The following COL14A1 variants were observed in gnomAD, a reference collection of about 807,000 sequenced individuals.
COL14A1 encodes collagen alpha-1(XIV) chain.
COL14A1 carries 136 observed loss-of-function variants against 230.3 expected under a neutral mutation model. The ratio of observed to expected loss-of-function variants is 0.59; its 90% CI spans 0.51 to 0.68. The LOEUF is 0.68. Among genes scored for constraint, COL14A1 ranks in the 30% least tolerant of loss-of-function variants. COL14A1 has a pLI of 0.00. For missense variants in COL14A1, 1,976 were observed against 2,215.8 expected, an observed-to-expected ratio of 0.89 and a Z score of 2.17; for synonymous variants, 792 against 784.1, an observed-to-expected ratio of 1.01 and a Z score of -0.17.
At chr8:120,197,758 A>C in intron 6 of COL14A1, 53 bp from the exon 7 acceptor site, 1 of 1,568,990 alleles carries the variant, frequency 6.4e-7, no homozygotes, top group Non-Finnish European at 8.7e-7. Flanking sequence ...GTAGCCCACT[A>C]GATTTTTGAG....
intron 5 of COL14A1, among the ~76,000 whole-genome samples, chr8:120,179,373 CAAGCATTCCTAT>C (rs1816390345): frequency 6.6e-6 from 1 of 152,180 alleles, no homozygotes; most frequent in Non-Finnish European, 1.5e-5. Flanking sequence ...GCAAAAATCA[CAAGCATTCCTAT>C]ACACCAATAA....
intron 20 of COL14A1, among the ~76,000 whole-genome samples, chr8:120,245,350 C>A (rs1434692709): frequency 1.3e-5 from 2 of 152,160 alleles, no homozygotes; most frequent in African/African-American, 4.8e-5. Context: ...ATACTGTTCA[C>A]CTCTGCATGC....
At chr8:120,137,515 T>C (rs1314845362) in intron 1 of COL14A1, among the ~76,000 whole-genome samples, 1 of 152,150 alleles carries the variant, frequency 6.6e-6, no homozygotes, top group African/African-American at 2.4e-5. Context: ...AGTTTGCTCT[T>C]CTTTTTCTAG....
chr8:120,366,462 G>A (rs779381891), intron 45 of COL14A1, among the ~76,000 whole-genome samples: 38 of 152,308 alleles, frequency 2.5e-4, no homozygotes, highest in East Asian at 3.9e-4. Context: ...TAATGCAACC[G>A]TATCTTGGGC....
intron 44 of COL14A1, among the ~76,000 whole-genome samples, chr8:120,343,054 G>A (rs372457055): frequency 4.8e-4 from 73 of 152,230 alleles, no homozygotes; most frequent in African/African-American, 1.7e-3. Context: ...TTGATATGAC[G>A]CCTGTCCCAT....
chr8:120,214,542 G>T (rs1432364723), intron 13 of COL14A1, among the ~76,000 whole-genome samples: 1 of 152,254 alleles, frequency 6.6e-6, no homozygotes, highest in Admixed American at 6.5e-5. Context: ...CTGCAGAAAT[G>T]CCAATACCTC....
intron 5 of COL14A1, among the ~76,000 whole-genome samples, chr8:120,174,392 G>A (rs1237384691): frequency 6.6e-6 from 1 of 152,070 alleles, no homozygotes; most frequent in East Asian, 1.9e-4. Flanking sequence ...TGTCTCAACT[G>A]CTGTATTCTT....
intron 40 of COL14A1, among the ~76,000 whole-genome samples, chr8:120,324,156 C>T (rs531475836): frequency 1.3e-5 from 2 of 151,698 alleles, no homozygotes; most frequent in Non-Finnish European, 2.9e-5. Context: ...ATAATCTGTA[C>T]AACAGACCCC....
Position 120,367,258 on chromosome 8 carries a change from C to T in COL14A1, c.5155+10C>T. The T allele has an allele frequency of 6.3e-7, 1 of 1,599,040 alleles. No individual in the cohort carries two copies. The highest frequency in any genetic ancestry group is 8.5e-7 in the Non-Finnish European group (1 of 1,173,484). On this transcript the variant is annotated intron_variant, in intron 46 of 47. Transcript: ENST00000297848. ...CCCCCTGGACCAGCAGGTAAATCTT[C>T]CTTCCTAACAAGAGACTGCAAATGT...
chr8:120,329,933 C>T (rs919556680), intron 40 of COL14A1, among the ~76,000 whole-genome samples: 39 of 152,236 alleles, frequency 2.6e-4, no homozygotes, highest in African/African-American at 7.7e-4. Context: ...TAGGGGGTCT[C>T]TGCTCCACAC....
intron 42 of COL14A1, among the ~76,000 whole-genome samples, chr8:120,338,343 G>T (rs886242486): frequency 2.0e-5 from 3 of 152,124 alleles, no homozygotes; most frequent in African/African-American, 4.8e-5. Context: ...GCTAAGCAGG[G>T]TTCTCTTTCA....
rs893341006 is a variant in COL14A1 at position 120,217,088 on chromosome 8, G to T, written c.1737+598G>T. Among the ~76,000 whole-genome samples, 26 of 152,270 alleles carry T rather than the reference G, an allele frequency of 1.7e-4. 2 individuals are homozygous for T. Among genetic ancestry groups the T allele is most frequent in the Admixed American group, 1.5e-3 (23 of 15,288 alleles). ...GCATATAGAGAAGAAGATATTCATT[G>T]ATGTGGCCATCTCTGGAAAATGCAG... On this transcript the variant is annotated intron_variant, in intron 14 of 47. Transcript: ENST00000297848.
At chr8:120,156,417 T>C (rs1314034365) in intron 2 of COL14A1, among the ~76,000 whole-genome samples, 1 of 152,006 alleles carries the variant, frequency 6.6e-6, no homozygotes, top group Non-Finnish European at 1.5e-5. Context: ...GATCCACCCG[T>C]CTTGGCCTCC....
intron 45 of COL14A1, among the ~76,000 whole-genome samples, chr8:120,354,806 C>T (rs1293267723): frequency 6.6e-6 from 1 of 152,194 alleles, no homozygotes; most frequent in Non-Finnish European, 1.5e-5. Flanking sequence ...ATTATTGGCA[C>T]TTAGCATTGA....
chr8:120,195,649 C>G (rs1817011811), intron 5 of COL14A1, among the ~76,000 whole-genome samples: 1 of 152,186 alleles, frequency 6.6e-6, no homozygotes, highest in Non-Finnish European at 1.5e-5. Context: ...AAAGGCACAT[C>G]TTACTTGGTG....
chr8:120,143,893 C>A lies in COL14A1; in HGVS notation c.-37-3913C>A, dbSNP rs1031755821. 1.3e-5 allele frequency among the ~76,000 whole-genome samples: 2 copies of A among 151,912 alleles called. 1 individual carries two copies. The highest frequency in any genetic ancestry group is 4.2e-4 in the South Asian group (2 of 4,794). On this transcript the variant is annotated intron_variant, in intron 1 of 47. Coordinates refer to ENST00000297848, the MANE Select transcript of COL14A1 (RefSeq NM_021110.4). ...TTGTAATAATAATTTTTAAAATACT[C>A]ATACTCTTCCATTTGGGGGTAAATT...
intron 4 of COL14A1, among the ~76,000 whole-genome samples, chr8:120,162,843 T>C (rs576590940): frequency 3.3e-5 from 5 of 152,140 alleles, no homozygotes; most frequent in Non-Finnish European, 7.3e-5. Context: ...CCCAGACATC[T>C]CTCCTATGTG....
intron 5 of COL14A1, among the ~76,000 whole-genome samples, chr8:120,177,658 A>C (rs1816325747): frequency 6.9e-6 from 1 of 144,990 alleles, no homozygotes. Context: ...GCTTCAAAAA[A>C]AAAAAAAAAA....
chr8:120,265,010 G>A (rs1180780689), intron 24 of COL14A1, among the ~76,000 whole-genome samples: 1 of 152,096 alleles, frequency 6.6e-6, no homozygotes, highest in Non-Finnish European at 1.5e-5. Context: ...CTGTCTTCTT[G>A]TAGCTTCCAC....
Sources: gnomAD v4.1 joint callset for allele counts (sites outside exome capture counted in the v4.1 genomes callset) on GRCh38, gnomAD v4.1.1 for gene constraint, MANE v1.5 for transcripts, NCBI Gene and HGNC (gene_info 2026-07-23, HGNC 2026-07-21) for gene names.